Variants in IGF2BP3 observed in about 807,000 individuals in gnomAD.
IGF2BP3 encodes the protein insulin like growth factor 2 mRNA binding protein 3.
A neutral mutation model predicts 73.8 loss-of-function variants in IGF2BP3; 9 were observed. That is an observed-to-expected ratio of 0.12 (90% confidence interval 0.07 to 0.21). The LOEUF is 0.21. Among genes scored for constraint, IGF2BP3 ranks in the 10% least tolerant of loss-of-function variants. The probability of loss-of-function intolerance (pLI) is 1.00; values close to 1 mark genes in which losing one functional copy is unlikely to be tolerated. For missense variants in IGF2BP3, 542 were observed against 714.0 expected, an observed-to-expected ratio of 0.76 and a Z score of 2.75; for synonymous variants, 258 against 256.7, an observed-to-expected ratio of 1.01 and a Z score of -0.05.
intron 3 of IGF2BP3, chr7:23,402,538 C>T (rs1010686952): frequency 3.3e-5 from 5 of 152,164 alleles, no homozygotes; most frequent in African/African-American, 1.2e-4. Context: ...GGGGAACTTA[C>T]ACCTTCCACG....
intron 2 of IGF2BP3, among the ~76,000 whole-genome samples, chr7:23,421,252 C>T (rs1257695837): frequency 2.0e-5 from 3 of 152,132 alleles, no homozygotes; most frequent in East Asian, 3.9e-4. Context: ...TCAAGTGATC[C>T]GCCTGCCTCG....
intron 5 of IGF2BP3, among the ~76,000 whole-genome samples, chr7:23,352,389 A>T (rs1404455784): frequency 1.3e-5 from 2 of 149,102 alleles, no homozygotes; most frequent in Non-Finnish European, 3.0e-5. Flanking sequence ...CCGGGGTTCA[A>T]GAGATTCTTG....
chr7:23,465,086 A>G (rs371582556), intron 2 of IGF2BP3, among the ~76,000 whole-genome samples: 2 of 152,158 alleles, frequency 1.3e-5, no homozygotes, highest in African/African-American at 4.8e-5. Context: ...ACAGCCCACA[A>G]CATAACAAAA....
chr7:23,343,145 ATTGTT>A (rs1784751680), intron 9 of IGF2BP3, among the ~76,000 whole-genome samples: 2 of 152,212 alleles, frequency 1.3e-5, no homozygotes, highest in South Asian at 4.1e-4. Context: ...CACTACACAG[ATTGTT>A]TTATCAATTG....
At chr7:23,445,888 A>G (rs1352113019) in intron 2 of IGF2BP3, among the ~76,000 whole-genome samples, 2 of 152,220 alleles carry the variant, frequency 1.3e-5, no homozygotes, top group Admixed American at 6.5e-5. Flanking sequence ...TAGTTGTAAG[A>G]TATCCCCAGA....
intron 3 of IGF2BP3, among the ~76,000 whole-genome samples, chr7:23,405,723 G>C (rs1786808059): frequency 6.6e-6 from 1 of 152,128 alleles, no homozygotes; most frequent in African/African-American, 2.4e-5. Flanking sequence ...GATGATCTGA[G>C]GTAGAACAGT....
chr7:23,428,919 C>T (rs1422689977), intron 2 of IGF2BP3, among the ~76,000 whole-genome samples: 1 of 152,138 alleles, frequency 6.6e-6, no homozygotes, highest in Non-Finnish European at 1.5e-5. Context: ...GCCAGCAAAA[C>T]GGCTTCTTCA....
chr7:23,456,627 G>C (rs1010249825), intron 2 of IGF2BP3, among the ~76,000 whole-genome samples: 2 of 152,240 alleles, frequency 1.3e-5, no homozygotes, highest in African/African-American at 4.8e-5. Flanking sequence ...TGGTAGAAGA[G>C]TGTGTTCCTA....
At chr7:23,326,802 T>C (rs1021070105) in intron 10 of IGF2BP3, among the ~76,000 whole-genome samples, 1 of 142,400 alleles carries the variant, frequency 7.0e-6, no homozygotes, top group Non-Finnish European at 1.5e-5. Context: ...TCATTCTCAG[T>C]AAACTATCGC....
chr7:23,325,601 G>A (rs1784272144), intron 10 of IGF2BP3, among the ~76,000 whole-genome samples: 1 of 152,134 alleles, frequency 6.6e-6, no homozygotes, highest in Admixed American at 6.5e-5. Context: ...CCAAAAAAGA[G>A]CCCGCATTGC....
intron 3 of IGF2BP3, among the ~76,000 whole-genome samples, chr7:23,412,006 T>TTC (rs1175312766): frequency 3.4e-5 from 5 of 147,110 alleles, no homozygotes; most frequent in South Asian, 2.2e-4. Context: ...TTTTTTTTTT[T>TTC]CAGTAGAGTC....
At chr7:23,377,311 A>C (rs1785756253) in intron 3 of IGF2BP3, among the ~76,000 whole-genome samples, 2 of 152,210 alleles carry the variant, frequency 1.3e-5, no homozygotes, top group Admixed American at 1.3e-4. Flanking sequence ...TTTTTTATGC[A>C]GAGGAAGTGA....
chr7:23,429,200 G>C (rs1187830091), intron 2 of IGF2BP3, among the ~76,000 whole-genome samples: 3 of 152,134 alleles, frequency 2.0e-5, no homozygotes, highest in Admixed American at 6.5e-5. Context: ...GGTTCATACT[G>C]ATTATTTCCA....
chr7:23,382,373 T>C (rs938306314), intron 3 of IGF2BP3, among the ~76,000 whole-genome samples: 2 of 151,866 alleles, frequency 1.3e-5, no homozygotes, highest in Non-Finnish European at 2.9e-5. Context: ...TTGAGTAAAA[T>C]GAAATTTGAT....
At chr7:23,340,843 CTTTTTCTTTTTT>C (rs1442353411) in intron 10 of IGF2BP3, among the ~76,000 whole-genome samples, 2 of 149,412 alleles carry the variant, frequency 1.3e-5, no homozygotes, top group South Asian at 2.1e-4. Context: ...CTTTCTTTTT[CTTTTTCTTTTTT>C]TTTTTTTTTT....
intron 2 of IGF2BP3, among the ~76,000 whole-genome samples, chr7:23,432,923 C>T (rs995348141): frequency 4.6e-5 from 7 of 152,194 alleles, no homozygotes; most frequent in African/African-American, 1.4e-4. Flanking sequence ...TGAGCCACTG[C>T]GCCCAGCCTG....
At chr7:23,368,067 A>G (rs1054768920) in intron 3 of IGF2BP3, among the ~76,000 whole-genome samples, 1 of 152,178 alleles carries the variant, frequency 6.6e-6, no homozygotes, top group Non-Finnish European at 1.5e-5. Context: ...AAAGAATCAC[A>G]TGAAAAATGC....
intron 3 of IGF2BP3, among the ~76,000 whole-genome samples, chr7:23,412,203 A>G (rs2893109): frequency 0.63 from 95,751 of 151,612 alleles, 30,927 homozygotes; most frequent in African/African-American, 0.75. Context: ...GGCTGGTCTC[A>G]AACTCCTGGC....
At position 23,361,585 on chromosome 7, in the gene IGF2BP3, G is replaced by A. The variant is rs1486180154; in HGVS notation, c.350C>T (p.Ser117Leu). The change falls in exon 5 of 15, where the codon TCG (serine) becomes TTG (leucine). Residue 117 changes from serine (S) to leucine (L), a missense_variant. By Grantham distance (145) the Ser-to-Leu change is moderately radical (BLOSUM62 -2). Transcript: ENST00000258729. ...GGTTACATTTACAACTGCAGTTTCC[G>A]AGTCAGTGTTCACTAGAGGAAGAGA... ...VESCEQVNTD[S>L]ETAVVNVTYS... 1.1e-5 allele frequency: 18 copies of A among 1,613,312 alleles called. No homozygotes were observed. Among genetic ancestry groups the A allele is most frequent in the Middle Eastern group, 1.7e-4 (1 of 5,740 alleles).
Sources: gnomAD v4.1 joint callset for allele counts (sites outside exome capture counted in the v4.1 genomes callset) on GRCh38, gnomAD v4.1.1 for gene constraint, MANE v1.5 for transcripts, NCBI Gene and HGNC (gene_info 2026-07-23, HGNC 2026-07-21) for gene names.